PRKCH: variants seen among roughly 807,000 people sequenced by gnomAD.
PRKCH encodes the protein protein kinase C eta type.
In PRKCH, 28 loss-of-function variants were observed where a neutral mutation model predicts 82.5. That is an observed-to-expected ratio of 0.34 (90% CI 0.25 to 0.47). The LOEUF is 0.47. Among genes scored for constraint, PRKCH ranks in the 20% least tolerant of loss-of-function variants. The pLI is 1.00. For missense variants in PRKCH, 705 were observed against 881.8 expected (o/e 0.80, Z 2.54); for synonymous variants, 322 against 327.4 (o/e 0.98, Z 0.18).
intron 1 of PRKCH, among the ~76,000 whole-genome samples, chr14:61,248,468 G>T (rs1055962608): frequency 4.6e-5 from 7 of 152,190 alleles, no homozygotes; most frequent in Non-Finnish European, 1.0e-4. Flanking sequence ...TGGAAGGGCA[G>T]ATGGAGGGGG....
intron 1 of PRKCH, among the ~76,000 whole-genome samples, chr14:61,232,207 C>G (rs1300971135): frequency 6.6e-6 from 1 of 152,174 alleles, no homozygotes; most frequent in Non-Finnish European, 1.5e-5. Context: ...CTTATGTTTA[C>G]CAGTTCGTTA....
intron 1 of PRKCH, among the ~76,000 whole-genome samples, chr14:61,362,563 T>A (rs1001891190): frequency 2.0e-5 from 3 of 152,174 alleles, no homozygotes; most frequent in Non-Finnish European, 2.9e-5. Context: ...TTCACATACA[T>A]TATTACATAT....
intron 10 of PRKCH, among the ~76,000 whole-genome samples, chr14:61,486,975 T>G (rs1886253176): frequency 6.6e-6 from 1 of 152,260 alleles, no homozygotes; most frequent in African/African-American, 2.4e-5. Flanking sequence ...ATGACAGTAT[T>G]GACATCATTA....
At chr14:61,354,766 T>C (rs186993973) in intron 1 of PRKCH, among the ~76,000 whole-genome samples, 125 of 152,364 alleles carry the variant, frequency 8.2e-4, no homozygotes, top group African/African-American at 2.9e-3. Flanking sequence ...CTGTACTTTT[T>C]CTTCTCATTT....
chr14:61,314,698 C>T (rs950460254), intron 1 of PRKCH, among the ~76,000 whole-genome samples: 2 of 152,206 alleles, frequency 1.3e-5, no homozygotes, highest in Non-Finnish European at 2.9e-5. Flanking sequence ...TGAGGAAGGG[C>T]GAGAAGCTCT....
chr14:61,424,982 A>G (rs1044278198), intron 2 of PRKCH, among the ~76,000 whole-genome samples: 16 of 152,232 alleles, frequency 1.1e-4, no homozygotes, highest in Non-Finnish European at 2.2e-4. Flanking sequence ...GGTGGCTTCC[A>G]TGTGGTGTTG....
intron 1 of PRKCH, among the ~76,000 whole-genome samples, chr14:61,335,787 C>T (rs1453222829): frequency 2.0e-5 from 3 of 152,218 alleles, no homozygotes; most frequent in African/African-American, 7.2e-5. Flanking sequence ...AAAGAAGACA[C>T]ATTAACATTT....
chr14:61,483,678 T>TG (rs200321341), intron 9 of PRKCH, among the ~76,000 whole-genome samples: 1,798 of 152,324 alleles, frequency 0.012, 31 homozygotes, highest in African/African-American at 0.041. Context: ...GCACGCACCC[T>TG]GCTCTGCCCA....
chr14:61,282,066 A>G (rs2140093792), intron 1 of PRKCH, among the ~76,000 whole-genome samples: 1 of 152,034 alleles, frequency 6.6e-6, no homozygotes, highest in East Asian at 1.9e-4. Flanking sequence ...GAAAGGAAAA[A>G]ATGTGCTGGA....
At position 61,370,786 on chromosome 14, in the gene PRKCH, T is replaced by C. The variant is rs112709326; in HGVS notation, c.364-20439T>C. Reference sequence around the variant, plus strand: ...GAAGATACTTTACCAACAGCTTGTCTGAAAACAATTTGCAGATAGGAGTAC... The same window carrying C: ...GAAGATACTTTACCAACAGCTTGTCCGAAAACAATTTGCAGATAGGAGTAC... On this transcript the variant is annotated intron_variant, in intron 1 of 13. Transcript: ENST00000332981. Among the ~76,000 whole-genome samples, 219 of 152,188 alleles carry C rather than the reference T, an allele frequency of 1.4e-3. 1 individual carries two copies. The highest frequency in any genetic ancestry group is 5.0e-3 in the African/African-American group (209 of 41,444).
intron 9 of PRKCH, among the ~76,000 whole-genome samples, chr14:61,462,573 C>T (rs1885074007): frequency 6.6e-6 from 1 of 152,180 alleles, no homozygotes; most frequent in Non-Finnish European, 1.5e-5. Flanking sequence ...TGTTGTAAAA[C>T]TATCCCCATT....
At chr14:61,247,955 G>T (rs533860118) in intron 1 of PRKCH, among the ~76,000 whole-genome samples, 1 of 152,118 alleles carries the variant, frequency 6.6e-6, no homozygotes, top group Admixed American at 6.5e-5. Flanking sequence ...ATTCTAAAAT[G>T]GCTTTCAAAT....
At chr14:61,187,997 G>A (rs1348444887) in intron 1 of PRKCH, among the ~76,000 whole-genome samples, 1 of 152,172 alleles carries the variant, frequency 6.6e-6, no homozygotes, top group African/African-American at 2.4e-5. Context: ...CAAGATCTGA[G>A]TCTGACTCTT....
intron 2 of PRKCH, among the ~76,000 whole-genome samples, chr14:61,439,952 G>A (rs1883878450): frequency 6.6e-6 from 1 of 152,130 alleles, no homozygotes; most frequent in African/African-American, 2.4e-5. Context: ...CAAGTGGGCT[G>A]GTCTTTTAAC....
At chr14:61,271,253 CTG>C in intron 1 of PRKCH, among the ~76,000 whole-genome samples, 1 of 152,254 alleles carries the variant, frequency 6.6e-6, no homozygotes, top group African/African-American at 2.4e-5. Flanking sequence ...GTTATCTTTT[CTG>C]TGTTTTTCAT....
chr14:61,300,705 T>C (rs2045441989), intron 1 of PRKCH, among the ~76,000 whole-genome samples: 1 of 152,158 alleles, frequency 6.6e-6, no homozygotes, highest in Non-Finnish European at 1.5e-5. Context: ...AAAAGCAGGC[T>C]GAAAAATCGA....
intron 12 of PRKCH, among the ~76,000 whole-genome samples, chr14:61,541,338 G>A (rs766960696): frequency 1.3e-5 from 2 of 152,250 alleles, no homozygotes; most frequent in African/African-American, 4.8e-5. Flanking sequence ...TGGTCATGGC[G>A]AGGTTGGGCG....
chr14:61,334,686 G>A (rs2045833002), intron 1 of PRKCH, among the ~76,000 whole-genome samples: 1 of 152,104 alleles, frequency 6.6e-6, no homozygotes, highest in Non-Finnish European at 1.5e-5. Flanking sequence ...TGCTTCCTAG[G>A]AGTGTGAACG....
chr14:61,463,885 C>T (rs538631691), intron 9 of PRKCH, among the ~76,000 whole-genome samples: 1 of 152,188 alleles, frequency 6.6e-6, no homozygotes, highest in Non-Finnish European at 1.5e-5. Flanking sequence ...ATCCATGTTG[C>T]AAATGACAGG....
Sources: gnomAD v4.1 joint callset for allele counts (sites outside exome capture counted in the v4.1 genomes callset) on GRCh38, gnomAD v4.1.1 for gene constraint, MANE v1.5 for transcripts, NCBI Gene and HGNC (gene_info 2026-07-23, HGNC 2026-07-21) for gene names.